WWOX: variants seen among roughly 807,000 people sequenced by gnomAD.
WWOX encodes the protein WW domain containing oxidoreductase, also known as WW domain-containing oxidoreductase.
Under a neutral mutation model 46.2 loss-of-function variants are expected in WWOX, and 69 were observed. The observed-to-expected ratio is 1.49, with a 90% CI of 1.23 to 1.82. The LOEUF (loss-of-function observed/expected upper bound fraction) is 1.82. Among genes scored for constraint, WWOX ranks in the 40% most tolerant of loss-of-function variants. WWOX has a pLI of 0.00. For synonymous variants in WWOX, 359 were observed against 202.6 expected (o/e 1.77, Z -6.56); for missense variants, 919 against 542.6 (o/e 1.69, Z -6.89).
intron 4 of WWOX, among the ~76,000 whole-genome samples, chr16:78,153,758 G>A (rs114020248): frequency 0.017 from 2,606 of 152,184 alleles, 82 homozygotes; most frequent in African/African-American, 0.06. Flanking sequence ...TCCTTTGGGC[G>A]TCTTAATAAA....
intron 8 of WWOX, among the ~76,000 whole-genome samples, chr16:79,146,913 T>A (rs890100596): frequency 2.6e-5 from 4 of 152,336 alleles, no homozygotes; most frequent in African/African-American, 9.6e-5. Context: ...GTTCACTGAT[T>A]TTTTAATTGA....
intron 6 of WWOX, among the ~76,000 whole-genome samples, chr16:78,392,253 A>G (rs1053720379): frequency 2.0e-5 from 3 of 152,082 alleles, no homozygotes; most frequent in African/African-American, 7.2e-5. Flanking sequence ...CATTAGTCTC[A>G]TAGGACCGTG....
chr16:78,706,436 C>T (rs73571489), intron 8 of WWOX, among the ~76,000 whole-genome samples: 48 of 152,240 alleles, frequency 3.2e-4, no homozygotes, highest in African/African-American at 1.1e-3. Flanking sequence ...TTTCAGATTT[C>T]TTTCTGTAAT....
At chr16:78,295,202 C>A (rs2079924597) in intron 5 of WWOX, among the ~76,000 whole-genome samples, 1 of 152,158 alleles carries the variant, frequency 6.6e-6, no homozygotes, top group African/African-American at 2.4e-5. Flanking sequence ...TACAACCCTG[C>A]AGATCAGATG....
At chr16:78,590,447 A>G (rs535163845) in intron 8 of WWOX, among the ~76,000 whole-genome samples, 25 of 152,328 alleles carry the variant, frequency 1.6e-4, no homozygotes, top group African/African-American at 5.8e-4. Context: ...CTCTAATATT[A>G]TTTGAGCTGC....
chr16:78,295,625 C>A (rs1171633117), intron 5 of WWOX, among the ~76,000 whole-genome samples: 1 of 152,174 alleles, frequency 6.6e-6, no homozygotes, highest in African/African-American at 2.4e-5. Context: ...ATGGGAGAAT[C>A]GCTTGAACCC....
intron 8 of WWOX, among the ~76,000 whole-genome samples, chr16:78,624,312 A>C (rs1029906382): frequency 6.6e-6 from 1 of 151,788 alleles, no homozygotes; most frequent in Non-Finnish European, 1.5e-5. Flanking sequence ...GGGGCTCTGC[A>C]AAGTTTCTCT....
At chr16:78,350,526 C>A (rs1265644754) in intron 5 of WWOX, among the ~76,000 whole-genome samples, 1 of 121,244 alleles carries the variant, frequency 8.2e-6, no homozygotes, top group African/African-American at 2.8e-5. Flanking sequence ...TTTGCCTATT[C>A]TAGACTTTTC....
intron 8 of WWOX, among the ~76,000 whole-genome samples, chr16:78,948,256 C>T (rs992815053): frequency 2.6e-5 from 4 of 152,174 alleles, no homozygotes; most frequent in African/African-American, 4.8e-5. Flanking sequence ...AGTGGCACCA[C>T]TAGCTATTAT....
In WWOX at chr16:78,698,828, G is replaced by T. The variant is rs992004200; in HGVS notation, c.1056+266076G>T. 3.3e-5 allele frequency among the ~76,000 whole-genome samples: 5 copies of T among 152,276 alleles called. No individual in the cohort carries two copies. In the East Asian group the frequency reaches 9.7e-4, roughly 29 times the overall value. On this transcript the variant is annotated intron_variant, in intron 8 of 8. Coordinates refer to ENST00000566780, the MANE Select transcript of WWOX (RefSeq NM_016373.4). ...TGACTAGCCACTGCACTCCAGCTGG[G>T]CAACATGGTGAGACCCTGTCTCTAA...
chr16:78,719,023 T>C (rs1385217533), intron 8 of WWOX, among the ~76,000 whole-genome samples: 1 of 152,030 alleles, frequency 6.6e-6, no homozygotes, highest in Non-Finnish European at 1.5e-5. Flanking sequence ...GGGGGTTAGG[T>C]GGGTGAAGGG....
intron 8 of WWOX, among the ~76,000 whole-genome samples, chr16:79,082,420 G>C (rs927326104): frequency 2.6e-5 from 4 of 152,128 alleles, no homozygotes; most frequent in Admixed American, 2.6e-4. Flanking sequence ...AGGGTCATGA[G>C]GTCACCTTCC....
At chr16:78,295,597 G>A (rs2079932451) in intron 5 of WWOX, among the ~76,000 whole-genome samples, 1 of 152,184 alleles carries the variant, frequency 6.6e-6, no homozygotes, top group Non-Finnish European at 1.5e-5. Context: ...TGTAATCTCA[G>A]CTACTCAGGA....
At chr16:79,073,561 T>C (rs2048592433) in intron 8 of WWOX, among the ~76,000 whole-genome samples, 2 of 152,198 alleles carry the variant, frequency 1.3e-5, no homozygotes, top group African/African-American at 4.8e-5. Flanking sequence ...GTAGACTTTG[T>C]TTCATTTTAA....
intron 6 of WWOX, among the ~76,000 whole-genome samples, chr16:78,392,004 T>C (rs75311365): frequency 4.6e-5 from 7 of 151,712 alleles, no homozygotes; most frequent in Admixed American, 4.6e-4. Flanking sequence ...CCTTTTTTTT[T>C]TTTTCCTTAA....
At chr16:78,345,003 T>G (rs2081070461) in intron 5 of WWOX, among the ~76,000 whole-genome samples, 1 of 120,240 alleles carries the variant, frequency 8.3e-6, no homozygotes, top group Admixed American at 8.2e-5. Context: ...AACGGGAGTT[T>G]AGCCTAGTCC....
chr16:78,516,999 G>A (rs1195466177), intron 8 of WWOX, among the ~76,000 whole-genome samples: 1 of 152,098 alleles, frequency 6.6e-6, no homozygotes, highest in Non-Finnish European at 1.5e-5. Context: ...TGAAAATAGT[G>A]AATTTCAAGT....
At chr16:78,223,125 G>C (rs375402346) in intron 5 of WWOX, among the ~76,000 whole-genome samples, 1 of 152,204 alleles carries the variant, frequency 6.6e-6, no homozygotes, top group Admixed American at 6.5e-5. Flanking sequence ...GGCTGTGACT[G>C]TCAGTAGCAG....
chr16:78,954,048 A>G (rs1182551370), intron 8 of WWOX, among the ~76,000 whole-genome samples: 1 of 152,204 alleles, frequency 6.6e-6, no homozygotes, highest in Non-Finnish European at 1.5e-5. Context: ...ATAGCAACAC[A>G]TGTCAAGGCA....
Sources: gnomAD v4.1 joint callset for allele counts (sites outside exome capture counted in the v4.1 genomes callset) on GRCh38, gnomAD v4.1.1 for gene constraint, MANE v1.5 for transcripts, NCBI Gene and HGNC (gene_info 2026-07-23, HGNC 2026-07-21) for gene names.